Variants in AFF3 observed in about 807,000 individuals in gnomAD.
AFF3 encodes the protein AF4/FMR2 family member 3.
AFF3 carries 32 observed loss-of-function variants against 129.7 expected under a neutral mutation model. The ratio of observed to expected loss-of-function variants is 0.25; its 90% CI spans 0.19 to 0.33. AFF3 has a LOEUF of 0.33. Among genes scored for constraint, AFF3 ranks in the 10% least tolerant of loss-of-function variants. The probability of loss-of-function intolerance (pLI) is 1.00; values close to 1 mark genes in which losing one functional copy is unlikely to be tolerated. For missense variants in AFF3, 1,373 were observed against 1,592.0 expected, an observed-to-expected ratio of 0.86 and a Z score of 2.34; for synonymous variants, 644 against 635.4, an observed-to-expected ratio of 1.01 and a Z score of -0.20.
At chr2:99,957,526 G>A (rs781238334) in intron 7 of AFF3, among the ~76,000 whole-genome samples, 4 of 152,164 alleles carry the variant, frequency 2.6e-5, no homozygotes, top group Non-Finnish European at 4.4e-5. Flanking sequence ...ATGACACGGT[G>A]CAGTCACAAA....
chr2:99,933,851 C>T (rs559972636), intron 7 of AFF3, among the ~76,000 whole-genome samples: 5 of 152,220 alleles, frequency 3.3e-5, no homozygotes, highest in African/African-American at 1.2e-4. Context: ...GACTTGACAT[C>T]TGGTAGAACA....
At chr2:99,981,456 G>A (rs1392144385) in intron 7 of AFF3, among the ~76,000 whole-genome samples, 1 of 152,090 alleles carries the variant, frequency 6.6e-6, no homozygotes, top group Non-Finnish European at 1.5e-5. Flanking sequence ...TCTTCATAAA[G>A]TTAACAACTA....
At chr2:99,826,178 C>A (rs1197559169) in intron 8 of AFF3, among the ~76,000 whole-genome samples, 1 of 152,078 alleles carries the variant, frequency 6.6e-6, no homozygotes, top group Admixed American at 6.5e-5. Flanking sequence ...CCATGCCCAG[C>A]TAATTTTTGT....
At chr2:99,623,685 C>A (rs1044504591) in intron 13 of AFF3, among the ~76,000 whole-genome samples, 15 of 152,356 alleles carry the variant, frequency 9.8e-5, no homozygotes, top group Admixed American at 9.1e-4. Flanking sequence ...CCTGCCCAGC[C>A]ACCCACTGCA....
intron 11 of AFF3, among the ~76,000 whole-genome samples, chr2:99,695,130 C>T (rs1261044449): frequency 9.9e-5 from 15 of 152,112 alleles, no homozygotes; most frequent in Admixed American, 9.8e-4. Context: ...ACTTATGATA[C>T]TGCTTACATT....
At chr2:100,091,263 G>A (rs1689835734) in intron 4 of AFF3, among the ~76,000 whole-genome samples, 1 of 152,170 alleles carries the variant, frequency 6.6e-6, no homozygotes, top group Non-Finnish European at 1.5e-5. Context: ...GAAAGGCTCA[G>A]GACACTTCTT....
intron 19 of AFF3, among the ~76,000 whole-genome samples, chr2:99,567,930 T>A (rs181100811): frequency 6.6e-6 from 1 of 152,330 alleles, no homozygotes; most frequent in African/African-American, 2.4e-5. Flanking sequence ...GAACTGTCCA[T>A]CAGACTCAGA....
intron 4 of AFF3, among the ~76,000 whole-genome samples, chr2:100,091,379 A>G (rs1429138528): frequency 6.6e-6 from 1 of 151,812 alleles, no homozygotes. Flanking sequence ...TGTCTTTTCT[A>G]TTTGAAAATA....
intron 7 of AFF3, among the ~76,000 whole-genome samples, chr2:99,988,665 G>A (rs1206655773): frequency 1.3e-5 from 2 of 152,114 alleles, no homozygotes; most frequent in Non-Finnish European, 2.9e-5. Context: ...GGTCTCGAGG[G>A]GGCTGATAAG....
intron 11 of AFF3, among the ~76,000 whole-genome samples, chr2:99,682,774 G>C (rs1434125733): frequency 6.6e-6 from 1 of 152,212 alleles, no homozygotes; most frequent in African/African-American, 2.4e-5. Context: ...TTGCCAGTGA[G>C]AGGCACCTGA....
chr2:100,130,311 C>A (rs1221026987), intron 1 of AFF3, among the ~76,000 whole-genome samples: 1 of 152,174 alleles, frequency 6.6e-6, no homozygotes, highest in Non-Finnish European at 1.5e-5. Context: ...AGGCTCCATG[C>A]CAGCTCCACG....
intron 2 of AFF3, among the ~76,000 whole-genome samples, chr2:100,116,177 T>C (rs999264169): frequency 9.9e-5 from 15 of 152,184 alleles, no homozygotes; most frequent in African/African-American, 3.6e-4. Flanking sequence ...CTTGGGTTTA[T>C]GTTTGTAGGA....
At chr2:99,648,934 C>CTCTTTCTCTCTCTCTCTCTCTCTT (rs1553416965) in intron 13 of AFF3, among the ~76,000 whole-genome samples, 2 of 119,314 alleles carry the variant, frequency 1.7e-5, no homozygotes, top group East Asian at 2.8e-4. Context: ...CTCTCTCTCT[C>CTCTTTCTCTCTCTCTCTCTCTCTT]TCTCCAATCT....
intron 13 of AFF3, among the ~76,000 whole-genome samples, chr2:99,632,070 C>T (rs1330258914): frequency 1.6e-5 from 2 of 125,902 alleles, no homozygotes; most frequent in Admixed American, 2.0e-4. Context: ...GGCTGGAGTG[C>T]AATGGCGTGA....
intron 2 of AFF3, among the ~76,000 whole-genome samples, chr2:100,124,367 A>G (rs1692100231): frequency 6.6e-6 from 1 of 152,260 alleles, no homozygotes; most frequent in South Asian, 2.1e-4. Flanking sequence ...GATGTGTCAG[A>G]GTACCAAGGA....
At chr2:99,918,182 G>A (rs897472310) in intron 7 of AFF3, among the ~76,000 whole-genome samples, 1 of 152,018 alleles carries the variant, frequency 6.6e-6, no homozygotes, top group Non-Finnish European at 1.5e-5. Context: ...CCCCTGGCTT[G>A]CCCTTTGTAT....
intron 2 of AFF3, among the ~76,000 whole-genome samples, chr2:100,113,545 G>T (rs1254626247): frequency 1.3e-5 from 2 of 152,178 alleles, no homozygotes; most frequent in Admixed American, 1.3e-4. Flanking sequence ...TCCAAGTCAA[G>T]AACTGAATTA....
intron 11 of AFF3, among the ~76,000 whole-genome samples, chr2:99,695,938 G>GAAAAAAAAAAAAAAAAAAACAA (rs1676183401): frequency 1.7e-5 from 1 of 57,648 alleles, no homozygotes; most frequent in Non-Finnish European, 2.9e-5. Flanking sequence ...CTGGAAAAAT[G>GAAAAAAAAAAAAAAAAAAACAA]AAAAAAAAAA....
chr2:99,809,518 C>T (rs1042000728), intron 8 of AFF3, among the ~76,000 whole-genome samples: 4 of 152,312 alleles, frequency 2.6e-5, no homozygotes, highest in Middle Eastern at 3.4e-3. Context: ...CAGTGTCTGT[C>T]GGCTAGTGAA....
Sources: allele counts gnomAD v4.1 joint callset (sites outside exome capture counted in the v4.1 genomes callset), GRCh38; gene constraint gnomAD v4.1.1; transcripts MANE v1.5; gene names NCBI Gene and HGNC (gene_info 2026-07-23, HGNC 2026-07-21).